Variants in COL27A1 observed in about 807,000 individuals in gnomAD.
COL27A1 encodes collagen alpha-1(XXVII) chain.
Under a neutral mutation model 251.3 loss-of-function variants are expected in COL27A1, and 106 were observed. The observed-to-expected ratio is 0.42, with a 90% CI of 0.36 to 0.50. COL27A1 has a LOEUF of 0.50. Among genes scored for constraint, COL27A1 ranks in the 20% least tolerant of loss-of-function variants. The pLI, the probability that COL27A1 is intolerant of heterozygous loss-of-function variation, is 0.00. For synonymous variants in COL27A1, 1,000 were observed against 986.3 expected, an observed-to-expected ratio of 1.01 and a Z score of -0.26; for missense variants, 2,325 against 2,522.8, an observed-to-expected ratio of 0.92 and a Z score of 1.68.
intron 27 of COL27A1, among the ~76,000 whole-genome samples, chr9:114,256,090 TAA>T (rs1264645335): frequency 6.6e-6 from 1 of 152,208 alleles, no homozygotes; most frequent in South Asian, 2.1e-4. Flanking sequence ...CTACTACGAT[TAA>T]AAGTGACATT....
rs148242800 is a variant in COL27A1, at chr9:114,168,340, C to A, written c.785C>A (p.Ser262Tyr). ...TCTGGCAGACCTTTTACCTTCCAGT[C>A]CGACCTCGCCCTGCTAGGCCTGGAG... ...QDSGRPFTFQ[S>Y]DLALLGLENL... The change falls in exon 3 of 61, where the codon TCC becomes TAC. Residue 262 changes from serine (S) to tyrosine (Y), a missense_variant. Ser to Tyr is a moderately radical substitution (Grantham distance 144). Transcript: ENST00000356083. The A allele has an allele frequency of 1.0e-3, 1,632 of 1,613,314 alleles. 21 individuals carry two copies. In the African/African-American group the frequency reaches 0.019, roughly 19 times the overall value.
chr9:114,205,060 T>C lies in COL27A1; in HGVS notation c.2125-42T>C, dbSNP rs200332793. 175 of 1,602,766 alleles carry C rather than the reference T, an allele frequency of 1.1e-4. 1 individual carries two copies. In the East Asian group the frequency reaches 3.9e-3, roughly 35 times the overall value. ...GGCCCTTGCGATCTCCAGGACCAGA[T>C]GTGTCCTCCCTGCCTGATGCAGCTT... On this transcript the variant is annotated intron_variant, in intron 7 of 60. Transcript: ENST00000356083.
intron 28 of COL27A1, among the ~76,000 whole-genome samples, chr9:114,259,811 C>T (rs1834186605): frequency 6.6e-6 from 1 of 152,162 alleles, no homozygotes; most frequent in Admixed American, 6.5e-5. Context: ...TGCCGGCAGC[C>T]CAGGCCTGAT....
At chr9:114,244,333 C>T (rs1024062076) in intron 23 of COL27A1, among the ~76,000 whole-genome samples, 29 of 151,474 alleles carry the variant, frequency 1.9e-4, no homozygotes, top group Admixed American at 6.6e-5. Context: ...CTGTGGGCCT[C>T]TATATTTTCC....
intron 49 of COL27A1, among the ~76,000 whole-genome samples, chr9:114,299,213 G>T (rs548907978): frequency 3.3e-5 from 5 of 152,294 alleles, no homozygotes; most frequent in African/African-American, 7.2e-5. Context: ...GGGAGATGAC[G>T]TATTATCCTA....
intron 22 of COL27A1, among the ~76,000 whole-genome samples, chr9:114,242,851 T>C (rs1227352160): frequency 1.3e-5 from 2 of 152,252 alleles, no homozygotes; most frequent in African/African-American, 4.8e-5. Context: ...ATAAAAATTA[T>C]ATTTTTAGGA....
chr9:114,227,774 G>T (rs1267255556), intron 14 of COL27A1, among the ~76,000 whole-genome samples: 1 of 152,118 alleles, frequency 6.6e-6, no homozygotes. Context: ...GTGGAAACAG[G>T]TTCCAAATTA....
chr9:114,269,201 C>A, intron 34 of COL27A1, 40 bp from the exon 35 acceptor site: 1 of 1,509,594 alleles, frequency 6.6e-7, no homozygotes. Flanking sequence ...CTGGGGCTGG[C>A]CCTACCCACC....
chr9:114,277,042 G>T (rs759117215), intron 37 of COL27A1, among the ~76,000 whole-genome samples: 1 of 152,220 alleles, frequency 6.6e-6, no homozygotes, highest in Non-Finnish European at 1.5e-5. Flanking sequence ...CTGCCCCTGT[G>T]CTCTGGCAGA....
rs148019836 is a variant in COL27A1 at position 114,169,282 on chromosome 9, G to C, written c.1727G>C (p.Ser576Thr). The C allele has an allele frequency of 2.8e-4, 458 of 1,612,110 alleles. No individual in the cohort carries two copies. Among genetic ancestry groups the C allele is most frequent in the Middle Eastern group, 1.2e-3 (7 of 6,050 alleles). ...VPLSDLTTRP[S>T]PRQPQPSQQT... Reference sequence around the variant, plus strand: ...TTGAGCGATCTGACAACCAGGCCTAGCCCCAGACAGCCCCAGCCCAGTCAG... The same window carrying C: ...TTGAGCGATCTGACAACCAGGCCTACCCCCAGACAGCCCCAGCCCAGTCAG... Residue 576 changes from serine to threonine, a missense_variant, in exon 3 of 61, where the codon AGC becomes ACC. By Grantham distance (58) the Ser-to-Thr change is moderately conservative. This residue lies in a region of COL27A1 where 1,183 missense variants were observed against 1,144.1 expected (regional missense o/e 1.03). Coordinates refer to ENST00000356083, the MANE Select transcript of COL27A1 (RefSeq NM_032888.4).
intron 36 of COL27A1, among the ~76,000 whole-genome samples, chr9:114,274,789 C>T (rs1439593092): frequency 6.6e-6 from 1 of 152,088 alleles, no homozygotes. Context: ...GAGCCTGGTA[C>T]ATACCATCCA....
rs745629965 is a variant in COL27A1 at position 114,168,745 on chromosome 9, C to T, written c.1190C>T (p.Thr397Ile). ...CAGAAAACAGCTCCATCTTCATTTA[C>T]AAAGTCAGCCCTACCCACTCAGAAG... is the stretch of plus-strand genomic sequence containing the variant. ...PTQKTAPSSF[T>I]KSALPTQKQV... The change falls in exon 3 of 61, where the codon ACA becomes ATA. Residue 397 changes from threonine to isoleucine, a missense_variant. By Grantham distance (89) the Thr-to-Ile change is moderately conservative (BLOSUM62 -1). Around this residue, in one of 4 missense-constraint regions of COL27A1, gnomAD observed 1,183 missense variants for 1,144.1 expected, o/e 1.03. Transcript: ENST00000356083. The T allele has an allele frequency of 1.2e-6, 2 of 1,613,912 alleles. No individual in the cohort carries two copies. Among genetic ancestry groups the T allele is most frequent in the East Asian group, 2.2e-5 (1 of 44,884 alleles).
At chr9:114,184,226 G>A (rs567235619) in intron 5 of COL27A1, among the ~76,000 whole-genome samples, 1 of 152,316 alleles carries the variant, frequency 6.6e-6, no homozygotes, top group African/African-American at 2.4e-5. Context: ...GCCAGGTCCC[G>A]GGTCATTCTT....
intron 2 of COL27A1, among the ~76,000 whole-genome samples, chr9:114,165,343 TCATCCATC>T (rs557977717): frequency 6.6e-6 from 1 of 151,894 alleles, no homozygotes. Flanking sequence ...TATCTATCCA[TCATCCATC>T]CATCCATCCA....
At chr9:114,306,474 G>A in intron 57 of COL27A1, 46 bp from the exon 58 acceptor site, 1 of 1,600,290 alleles carries the variant, frequency 6.2e-7, no homozygotes. Flanking sequence ...ACCCCAGGCT[G>A]GACCAGGACC....
intron 24 of COL27A1, 98 bp downstream of exon 24, chr9:114,246,008 T>C: frequency 2.8e-6 from 3 of 1,060,868 alleles, no homozygotes; most frequent in Non-Finnish European, 4.2e-6. Context: ...CCACCTCGTG[T>C]AATTCTCAGA....
Position 114,306,566 on chromosome 9 carries a change from T to A in COL27A1, c.4985T>A (p.Ile1662Asn). The stretch of plus-strand genomic sequence containing the variant: ...CTGGTGCTGGACCAGGGAGGAGAGA[T>A]CTTTAAAACCTTACACTACCTCAGC... ...DRLVLDQGGE[I>N]FKTLHYLSNL... Residue 1662 changes from isoleucine (I) to asparagine (N), a missense_variant, in exon 58 of 61, where the codon ATC becomes AAC. Ile to Asn is a moderately radical substitution (Grantham distance 149). Around this residue, in one of 4 missense-constraint regions of COL27A1, gnomAD observed 327 missense variants for 442.8 expected, o/e 0.74. Coordinates refer to ENST00000356083, the MANE Select transcript of COL27A1 (RefSeq NM_032888.4). 1.2e-6 allele frequency: 2 copies of A among 1,613,796 alleles called. No homozygotes were observed. The highest frequency in any genetic ancestry group is 1.7e-6 in the Non-Finnish European group (2 of 1,180,004).
chr9:114,218,109 G>GAA (rs113782428), intron 12 of COL27A1: 25 of 237,350 alleles, frequency 1.1e-4, no homozygotes, highest in Middle Eastern at 1.6e-3. Context: ...CCTGTATCAT[G>GAA]AAAAAAAAAG....
intron 28 of COL27A1, among the ~76,000 whole-genome samples, chr9:114,261,200 T>C (rs565204665): frequency 1.3e-5 from 2 of 152,310 alleles, no homozygotes; most frequent in Non-Finnish European, 2.9e-5. Flanking sequence ...AGAGCTGTGG[T>C]TGGCCAGATT....
Sources: gnomAD v4.1 joint callset for allele counts (sites outside exome capture counted in the v4.1 genomes callset) on GRCh38, gnomAD v4.1.1 for gene constraint, gnomAD v4.1.1 regional missense constraint, MANE v1.5 for transcripts, NCBI Gene and HGNC (gene_info 2026-07-23, HGNC 2026-07-21) for gene names.